The following ROBO2 variants were observed in gnomAD, a reference collection of about 807,000 sequenced individuals.
ROBO2 encodes roundabout homolog 2.
Under a neutral mutation model 160.8 loss-of-function variants are expected in ROBO2, and 53 were observed. The observed-to-expected ratio is 0.33, with a 90% CI of 0.26 to 0.41. The LOEUF (loss-of-function observed/expected upper bound fraction) is 0.41, where lower values mean the gene tolerates loss of function less well. Ranked by LOEUF, ROBO2 falls within the 10% of genes least tolerant of loss-of-function variation. The probability of loss-of-function intolerance (pLI) is 1.00; values close to 1 mark genes in which losing one functional copy is unlikely to be tolerated. For missense variants in ROBO2, 1,577 were observed against 1,722.4 expected (o/e 0.92, Z 1.49); for synonymous variants, 664 against 611.7 (o/e 1.09, Z -1.26).
intron 2 of ROBO2, among the ~76,000 whole-genome samples, chr3:76,059,194 T>C (rs1433320801): frequency 6.6e-6 from 1 of 151,764 alleles, no homozygotes; most frequent in African/African-American, 2.4e-5. Flanking sequence ...CAAATGGTAT[T>C]TCTAGTTCTA....
intron 2 of ROBO2, among the ~76,000 whole-genome samples, chr3:76,463,252 G>A (rs1310945058): frequency 3.3e-5 from 5 of 151,970 alleles, no homozygotes; most frequent in African/African-American, 4.8e-5. Flanking sequence ...TCCTTTCATG[G>A]TATTTGAATC....
intron 1 of ROBO2, among the ~76,000 whole-genome samples, chr3:75,927,497 A>G (rs917258237): frequency 3.9e-5 from 6 of 152,204 alleles, no homozygotes; most frequent in African/African-American, 1.4e-4. Context: ...TAAGCCAACC[A>G]ATTTTTGGAT....
intron 1 of ROBO2, among the ~76,000 whole-genome samples, chr3:77,077,601 T>TA (rs1027969121): frequency 7.2e-5 from 11 of 152,198 alleles, no homozygotes; most frequent in African/African-American, 2.7e-4. Flanking sequence ...GGGACTGTGG[T>TA]AAAATGGAAG....
intron 2 of ROBO2, among the ~76,000 whole-genome samples, chr3:77,098,714 G>C (rs958475105): frequency 6.6e-6 from 1 of 151,954 alleles, no homozygotes. Context: ...AAAATTATCC[G>C]GGCATGGTGG....
At chr3:76,544,051 A>C (rs1257185346) in intron 2 of ROBO2, among the ~76,000 whole-genome samples, 2 of 152,042 alleles carry the variant, frequency 1.3e-5, no homozygotes, top group Non-Finnish European at 2.9e-5. Flanking sequence ...CATTTTAGAC[A>C]CTATTTTAAA....
At chr3:76,373,596 C>T (rs566482706) in intron 2 of ROBO2, among the ~76,000 whole-genome samples, 10 of 152,032 alleles carry the variant, frequency 6.6e-5, no homozygotes, top group African/African-American at 1.7e-4. Flanking sequence ...TTGAAGCCAG[C>T]GACTATGACT....
chr3:77,149,517 C>T (rs554600572), intron 2 of ROBO2, among the ~76,000 whole-genome samples: 40 of 152,254 alleles, frequency 2.6e-4, no homozygotes, highest in African/African-American at 7.9e-4. Context: ...ACATTTGTCA[C>T]GAGTTCAGTA....
chr3:76,699,536 A>C (rs2107419020), intron 2 of ROBO2, among the ~76,000 whole-genome samples: 1 of 152,150 alleles, frequency 6.6e-6, no homozygotes, highest in African/African-American at 2.4e-5. Context: ...TCTCCTTCTA[A>C]CCCGTGCCTT....
At chr3:76,949,682 A>G (rs2078843280) in intron 2 of ROBO2, among the ~76,000 whole-genome samples, 1 of 152,194 alleles carries the variant, frequency 6.6e-6, no homozygotes, top group African/African-American at 2.4e-5. Context: ...TTGTAATGGA[A>G]CGAGCTTGTT....
At chr3:75,957,225 AACACAC>A (rs1364604400) in intron 2 of ROBO2, among the ~76,000 whole-genome samples, 1 of 122,312 alleles carries the variant, frequency 8.2e-6, no homozygotes, top group South Asian at 3.1e-4. Context: ...ACACACACAA[AACACAC>A]ACGCACACAC....
In ROBO2 at chr3:76,141,116, GCTCTCTCTCTCTCTCTCTCTCT is replaced by G. The variant is rs55829903; in HGVS notation, c.109+203537_109+203558del. On this transcript the variant is annotated intron_variant, in intron 2 of 26. Coordinates refer to the ROBO2 transcript ENST00000487694. ...TGGGTTTATAGGTATGAGCTACCAT[GCTCTCTCTCTCTCTCTCTCTCT>G]CTCTCTCTCTCTCTCTCTCTCTATA... 1.8e-4 allele frequency among the ~76,000 whole-genome samples: 3 copies of G among 16,686 alleles called. 1 individual carries two copies. Among genetic ancestry groups the G allele is most frequent in the African/African-American group, 6.1e-4 (3 of 4,884 alleles). 10.9% of individuals were successfully genotyped at this position (16,686 alleles called of 152,430 possible).
At chr3:76,017,443 T>C (rs1265543133) in intron 2 of ROBO2, among the ~76,000 whole-genome samples, 2 of 152,152 alleles carry the variant, frequency 1.3e-5, no homozygotes, top group African/African-American at 2.4e-5. Flanking sequence ...ACTAGTTTTA[T>C]GATGAGCGCA....
intron 2 of ROBO2, among the ~76,000 whole-genome samples, chr3:77,391,661 T>C (rs2074746696): frequency 2.0e-5 from 3 of 151,972 alleles, no homozygotes; most frequent in Admixed American, 2.0e-4. Flanking sequence ...AAAATAAGAT[T>C]TGGGTGGGGA....
intron 2 of ROBO2, among the ~76,000 whole-genome samples, chr3:76,417,239 A>G (rs1196155195): frequency 6.6e-6 from 1 of 152,232 alleles, no homozygotes; most frequent in Non-Finnish European, 1.5e-5. Flanking sequence ...CATTTTGCAT[A>G]TAAGACAACT....
chr3:76,696,346 T>C (rs552209735), intron 2 of ROBO2, among the ~76,000 whole-genome samples: 95 of 151,562 alleles, frequency 6.3e-4, no homozygotes, highest in African/African-American at 2.2e-3. Context: ...CCCTAGACAC[T>C]TATTTTTTAA....
chr3:77,181,561 C>T (rs1338213376), intron 2 of ROBO2, among the ~76,000 whole-genome samples: 1 of 152,014 alleles, frequency 6.6e-6, no homozygotes, highest in Non-Finnish European at 1.5e-5. Context: ...TCACACACGC[C>T]TAGGATCCCT....
At chr3:76,364,296 G>A (rs989219472) in intron 2 of ROBO2, among the ~76,000 whole-genome samples, 1 of 151,976 alleles carries the variant, frequency 6.6e-6, no homozygotes, top group African/African-American at 2.4e-5. Context: ...AACTCTCACA[G>A]TTTTTCTCTA....
chr3:77,335,301 G>A (rs544408354), intron 2 of ROBO2, among the ~76,000 whole-genome samples: 3 of 152,194 alleles, frequency 2.0e-5, no homozygotes, highest in South Asian at 4.2e-4. Context: ...CAGCTACTCC[G>A]GAGGCTGAGG....
chr3:76,420,722 G>C (rs1218776288), intron 2 of ROBO2, among the ~76,000 whole-genome samples: 1 of 152,080 alleles, frequency 6.6e-6, no homozygotes, highest in Non-Finnish European at 1.5e-5. Flanking sequence ...TTTTCCCTAA[G>C]AGATTCCAAC....
Sources: gnomAD v4.1 joint callset for allele counts (sites outside exome capture counted in the v4.1 genomes callset) on GRCh38, gnomAD v4.1.1 for gene constraint, MANE v1.5 for transcripts, NCBI Gene and HGNC (gene_info 2026-07-23, HGNC 2026-07-21) for gene names.